Variants in CPLX2 observed in about 807,000 individuals in gnomAD.
The protein encoded by CPLX2 is complexin-2.
A neutral mutation model predicts 16.3 loss-of-function variants in CPLX2; 5 were observed. That is an observed-to-expected ratio of 0.31 (90% CI 0.16 to 0.64). CPLX2 has a LOEUF of 0.64. CPLX2 is among the 30% of genes least tolerant of loss of function. The probability of loss-of-function intolerance (pLI) is 0.79; values close to 1 mark genes in which losing one functional copy is unlikely to be tolerated. For synonymous variants in CPLX2, 89 were observed against 73.2 expected (o/e 1.22, Z -1.10); for missense variants, 144 against 181.4 (o/e 0.79, Z 1.18).
At chr5:175,799,292 C>T (rs1006585559) in intron 1 of CPLX2, among the ~76,000 whole-genome samples, 1 of 151,820 alleles carries the variant, frequency 6.6e-6, no homozygotes, top group African/African-American at 2.4e-5. Flanking sequence ...TCATCAAGCC[C>T]AATAGCCACA....
intron 1 of CPLX2, among the ~76,000 whole-genome samples, chr5:175,797,245 C>A (rs1171401892): frequency 6.6e-6 from 1 of 152,162 alleles, no homozygotes; most frequent in African/African-American, 2.4e-5. Context: ...GGCGTGAGGC[C>A]GCATCGATCG....
intron 2 of CPLX2, among the ~76,000 whole-genome samples, chr5:175,859,104 G>A (rs1561785781): frequency 6.6e-6 from 1 of 152,158 alleles, no homozygotes. Context: ...CCATCACAGT[G>A]GGAACCAAAA....
intron 2 of CPLX2, among the ~76,000 whole-genome samples, chr5:175,811,217 C>T (rs1241478444): frequency 6.6e-6 from 1 of 152,242 alleles, no homozygotes; most frequent in East Asian, 1.9e-4. Flanking sequence ...AGCCAGCTGA[C>T]TCTGCATTCT....
intron 2 of CPLX2, among the ~76,000 whole-genome samples, chr5:175,827,449 T>G (rs1005815590): frequency 6.6e-6 from 1 of 152,170 alleles, no homozygotes; most frequent in African/African-American, 2.4e-5. Context: ...CTCTTCAACA[T>G]ACCTTTAAAG....
At chr5:175,805,293 G>A (rs1175049643) in intron 1 of CPLX2, among the ~76,000 whole-genome samples, 2 of 152,172 alleles carry the variant, frequency 1.3e-5, no homozygotes, top group Non-Finnish European at 2.9e-5. Context: ...CTAGACTCAG[G>A]GATGAGGTGA....
Position 175,841,041 on chromosome 5 carries a change from C to CT in CPLX2, c.-89+31974dup, listed in dbSNP as rs1395158452. On this transcript the variant is annotated intron_variant, in intron 2 of 4. Transcript: ENST00000359546. ...AACTGAGATTTGAACTGAGAACTCTCTAACTATGAAGGGCTGTGCCAGGAA... is the reference window on the plus strand; with the variant it reads ...AACTGAGATTTGAACTGAGAACTCTCTTAACTATGAAGGGCTGTGCCAGGAA... 4.6e-5 allele frequency among the ~76,000 whole-genome samples: 7 copies of CT among 152,330 alleles called. No homozygotes were observed. The East Asian group carries it at 1.3e-3, about 29-fold the overall frequency.
chr5:175,861,193 C>T (rs1244369792), intron 2 of CPLX2, among the ~76,000 whole-genome samples: 1 of 152,114 alleles, frequency 6.6e-6, no homozygotes, highest in Non-Finnish European at 1.5e-5. Context: ...TGTATTCTAC[C>T]TCTGGAAATA....
At chr5:175,878,794 T>A in intron 2 of CPLX2, 24 bp downstream of exon 2, 1 of 1,612,474 alleles carries the variant, frequency 6.2e-7, no homozygotes, top group South Asian at 1.1e-5. Flanking sequence ...CCCCTCCGCG[T>A]GTCCTCAGCC....
chr5:175,851,204 G>A (rs1759145216), intron 2 of CPLX2, among the ~76,000 whole-genome samples: 1 of 152,048 alleles, frequency 6.6e-6, no homozygotes, highest in South Asian at 2.1e-4. Context: ...GTTGAAAGGT[G>A]GCCCCCTTTG....
At chr5:175,861,266 A>G (rs1759366492) in intron 2 of CPLX2, among the ~76,000 whole-genome samples, 1 of 152,196 alleles carries the variant, frequency 6.6e-6, no homozygotes, top group African/African-American at 2.4e-5. Context: ...GGGATGAGCA[A>G]GGCATGCACT....
At chr5:175,879,697 G>T in intron 3 of CPLX2, 151 bp from the exon 4 acceptor site, 1 of 756,636 alleles carries the variant, frequency 1.3e-6, no homozygotes. Context: ...CATCCTACAG[G>T]GAAGACACCC....
intron 2 of CPLX2, among the ~76,000 whole-genome samples, chr5:175,844,388 A>G (rs1359551659): frequency 1.3e-5 from 2 of 152,348 alleles, no homozygotes; most frequent in Non-Finnish European, 2.9e-5. Flanking sequence ...CTGAGCTGCT[A>G]CTGTGTACCA....
chr5:175,868,551 T>A (rs529194484), upstream of CPLX2, among the ~76,000 whole-genome samples: 7 of 152,276 alleles, frequency 4.6e-5, no homozygotes, highest in South Asian at 1.5e-3. Context: ...AGGTGACTCT[T>A]AGAAGCTGTC....
rs1205691536 is a variant in CPLX2 at position 175,880,256 on chromosome 5, A to G, written c.*211A>G. On this transcript the variant is annotated 3_prime_UTR_variant, in exon 4 of 4. Coordinates refer to ENST00000393745, the MANE Select transcript of CPLX2 (RefSeq NM_001008220.2). ...CTGCACCCCACTCCCAAGTAGCTTG[A>G]AAAAGGGAGGACAGTCTTTCCCCAG... 3.0e-6 allele frequency: 2 copies of G among 672,132 alleles called. No individual in the cohort carries two copies. The highest frequency in any genetic ancestry group is 3.6e-5 in the African/African-American group (2 of 55,868). 41.6% of individuals were successfully genotyped at this position (672,132 alleles called of 1,614,324 possible). A position where few individuals can be genotyped will look rare whatever the true frequency, so the allele number is the denominator to read the frequency against.
At chr5:175,815,503 T>C (rs1758390823) in intron 2 of CPLX2, among the ~76,000 whole-genome samples, 2 of 152,108 alleles carry the variant, frequency 1.3e-5, no homozygotes, top group Non-Finnish European at 2.9e-5. Context: ...GGCCCCAGGG[T>C]TGATGGTTAC....
In CPLX2 at chr5:175,838,554, G is replaced by A. The variant is rs543024780; in HGVS notation, c.-89+29486G>A. ...AAAGTGCGCGTGAGCCACCGCGCCCGGCCCCCCTTCTGTCTTTCATCTTTA... is the reference window on the plus strand; with the variant it reads ...AAAGTGCGCGTGAGCCACCGCGCCCAGCCCCCCTTCTGTCTTTCATCTTTA... On this transcript the variant is annotated intron_variant, in intron 2 of 4. Transcript: ENST00000359546. Among the ~76,000 whole-genome samples, 36 of 152,144 alleles carry A rather than the reference G, an allele frequency of 2.4e-4. 1 individual carries two copies. The highest frequency in any genetic ancestry group is 6.5e-4 in the African/African-American group (27 of 41,474).
Position 175,807,729 on chromosome 5 carries a change from C to T in CPLX2, c.-168-1260C>T, listed in dbSNP as rs928410131. ...CATTCATTCATTCACTCAACATATA[C>T]TTATCAAGTCCTGCTAAATGCCAGG... On this transcript the variant is annotated intron_variant, in intron 1 of 4. Transcript: ENST00000359546. Among the ~76,000 whole-genome samples, 13 of 152,182 alleles carry T rather than the reference C, an allele frequency of 8.5e-5. 1 individual carries two copies. Among genetic ancestry groups the T allele is most frequent in the Admixed American group, 5.9e-4 (9 of 15,282 alleles).
chr5:175,810,029 G>C (rs896610814), intron 2 of CPLX2, among the ~76,000 whole-genome samples: 1 of 152,162 alleles, frequency 6.6e-6, no homozygotes, highest in South Asian at 2.1e-4. Flanking sequence ...GCTGGGCTCC[G>C]AGCCCCAGCA....
intron 2 of CPLX2, among the ~76,000 whole-genome samples, chr5:175,817,404 CGTAATGTCCTAACGCACAGT>C (rs1758427893): frequency 1.3e-5 from 2 of 152,326 alleles, no homozygotes; most frequent in South Asian, 4.2e-4. Flanking sequence ...GTGTCTAATG[CGTAATGTCCTAACGCACAGT>C]ATGACCTCAA....
Sources: allele counts gnomAD v4.1 joint callset (sites outside exome capture counted in the v4.1 genomes callset), GRCh38; gene constraint gnomAD v4.1.1; transcripts MANE v1.5; gene names NCBI Gene and HGNC (gene_info 2026-07-23, HGNC 2026-07-21).